BRINP2: variants seen among roughly 807,000 people sequenced by gnomAD.
BRINP2 encodes BMP/retinoic acid-inducible neural-specific protein 2.
In BRINP2, 21 loss-of-function variants were observed where a neutral mutation model predicts 69.2. That is an observed-to-expected ratio of 0.30 (90% CI 0.22 to 0.44). BRINP2 has a LOEUF of 0.44. BRINP2 is among the 20% of genes least tolerant of loss of function. BRINP2 has a pLI of 1.00. For synonymous variants in BRINP2, 380 were observed against 394.1 expected (o/e 0.96, Z 0.42); for missense variants, 877 against 986.0 (o/e 0.89, Z 1.48).
chr1:177,271,912 T>C (rs922672351), intron 4 of BRINP2, among the ~76,000 whole-genome samples: 2 of 152,180 alleles, frequency 1.3e-5, no homozygotes, highest in Non-Finnish European at 2.9e-5. Context: ...CTCCCGACTG[T>C]TTTTGCTCAG....
intron 2 of BRINP2, among the ~76,000 whole-genome samples, chr1:177,234,541 A>T (rs2102328542): frequency 6.6e-6 from 1 of 152,258 alleles, no homozygotes; most frequent in Non-Finnish European, 1.5e-5. Context: ...TTTAATAGAG[A>T]GATAATCATG....
chr1:177,217,635 T>C (rs907548698), intron 1 of BRINP2, among the ~76,000 whole-genome samples: 6 of 152,180 alleles, frequency 3.9e-5, no homozygotes, highest in Admixed American at 2.0e-4. Flanking sequence ...CTTTTACAAG[T>C]TTGTTTTTTT....
intron 1 of BRINP2, among the ~76,000 whole-genome samples, chr1:177,222,304 C>A (rs929916141): frequency 6.6e-6 from 1 of 152,088 alleles, no homozygotes; most frequent in African/African-American, 2.4e-5. Flanking sequence ...GGGCCAGACA[C>A]CTTTTTTTCT....
chr1:177,278,628 C>G lies in BRINP2; in HGVS notation c.1078C>G (p.Gln360Glu), dbSNP rs1216289296. The G allele has an allele frequency of 1.2e-6, 2 of 1,614,224 alleles. No individual in the cohort carries two copies. Among genetic ancestry groups the G allele is most frequent in the Non-Finnish European group, 1.7e-6 (2 of 1,180,046 alleles). Residue 360 changes from glutamine to glutamate, a missense_variant, in exon 7 of 8, where the codon CAG becomes GAG. Transcript: ENST00000361539. ...GTTCCTGAACTCCACAGCTATCTCC[C>G]AGTTCTGGGCCATGGACACCAGCCT... The part of the protein sequence containing the change: ...DRFLNSTAIS[Q>E]FWAMDTSLQH...
intron 4 of BRINP2, among the ~76,000 whole-genome samples, chr1:177,272,487 G>C (rs191508016): frequency 6.6e-6 from 1 of 152,242 alleles, no homozygotes; most frequent in Non-Finnish European, 1.5e-5. Context: ...ATAAATATGA[G>C]CTTCCCTCTT....
chr1:177,241,045 C>T (rs530015424), intron 2 of BRINP2, among the ~76,000 whole-genome samples: 10 of 151,990 alleles, frequency 6.6e-5, no homozygotes, highest in African/African-American at 2.2e-4. Context: ...GATCTCAGCT[C>T]ACTGTAAACT....
At chr1:177,206,083 C>T (rs1403201757) in intron 1 of BRINP2, among the ~76,000 whole-genome samples, 9 of 152,172 alleles carry the variant, frequency 5.9e-5, no homozygotes, top group Non-Finnish European at 1.0e-4. Context: ...ACTTAAGCTG[C>T]CCTGTGGAGC....
At chr1:177,218,522 A>T (rs1366089659) in intron 1 of BRINP2, among the ~76,000 whole-genome samples, 2 of 152,018 alleles carry the variant, frequency 1.3e-5, no homozygotes, top group Non-Finnish European at 2.9e-5. Context: ...TGTGGGCTCC[A>T]CCTCCTGACT....
Position 177,239,855 on chromosome 1 carries a change from G to A in BRINP2, c.269+9710G>A, listed in dbSNP as rs964199304. 2.0e-5 allele frequency among the ~76,000 whole-genome samples: 3 copies of A among 152,168 alleles called. No individual in the cohort carries two copies. In the South Asian group the frequency reaches 6.2e-4, roughly 32 times the overall value. On this transcript the variant is annotated intron_variant, in intron 2 of 7. Coordinates refer to ENST00000361539, the MANE Select transcript of BRINP2 (RefSeq NM_021165.4). ...GTTTTGGGGAAGATGCAGGAATCTG[G>A]CAGGAGTTCCCAGCCATGTCTTCTC...
At chr1:177,215,539 T>TTCAC (rs1157915735) in intron 1 of BRINP2, among the ~76,000 whole-genome samples, 1 of 152,210 alleles carries the variant, frequency 6.6e-6, no homozygotes, top group Non-Finnish European at 1.5e-5. Context: ...GCATGTTGAT[T>TTCAC]TGTGTCCTGA....
chr1:177,208,325 G>A (rs1272275097), intron 1 of BRINP2, among the ~76,000 whole-genome samples: 1 of 152,192 alleles, frequency 6.6e-6, no homozygotes, highest in Non-Finnish European at 1.5e-5. Context: ...GGCAGGCACT[G>A]TATGTAAGTA....
At position 177,278,646 on chromosome 1, in the gene BRINP2, A is replaced by G; in HGVS notation, c.1096A>G (p.Thr366Ala). Residue 366 changes from threonine to alanine, a missense_variant, in exon 7 of 8, where the codon ACC becomes GCC. This residue lies in a region of BRINP2 where 566 missense variants were observed against 625.2 expected (regional missense o/e 0.91). Coordinates refer to ENST00000361539, the MANE Select transcript of BRINP2 (RefSeq NM_021165.4). ...TAISQFWAMD[T>A]SLQHRYQQLG... is the part of the protein sequence containing the mutation. ...TATCTCCCAGTTCTGGGCCATGGAC[A>G]CCAGCCTTCAGCACCGCTACCAGCA... 1 of 1,614,216 alleles carries G rather than the reference A, an allele frequency of 6.2e-7. No individual in the cohort carries two copies. Among genetic ancestry groups the G allele is most frequent in the Non-Finnish European group, 8.5e-7 (1 of 1,180,040 alleles).
At chr1:177,223,475 TG>T (rs955470873) in intron 1 of BRINP2, among the ~76,000 whole-genome samples, 3 of 152,156 alleles carry the variant, frequency 2.0e-5, no homozygotes, top group Non-Finnish European at 4.4e-5. Context: ...GGACAGTCCT[TG>T]TGCATAGACA....
rs1297559229 is a variant in BRINP2 at position 177,278,765 on chromosome 1, C to T, written c.1215C>T (p.Arg405=). ...NLCKRCHRQP[R]FRLPKERSLS... ...GCAAGCGCTGCCATCGCCAGCCTCG[C>T]TTCCGCCTGCCCAAGGAGAGGTGAG... The change falls in exon 7 of 8, where the codon CGC becomes CGT. Residue 405 remains arginine (R), a synonymous_variant. Coordinates refer to ENST00000361539, the MANE Select transcript of BRINP2 (RefSeq NM_021165.4). The T allele has an allele frequency of 6.2e-7, 1 of 1,613,962 alleles. No individual in the cohort carries two copies. The highest frequency in any genetic ancestry group is 1.7e-5 in the Admixed American group (1 of 60,008).
rs996183020 is a variant in BRINP2 at position 177,280,501 on chromosome 1, G to C, written c.1325G>C (p.Ser442Thr). Residue 442 changes from serine (S) to threonine (T), a missense_variant, in exon 8 of 8, where the codon AGC becomes ACC. Ser to Thr is a moderately conservative substitution (Grantham distance 58). Coordinates refer to ENST00000361539, the MANE Select transcript of BRINP2 (RefSeq NM_021165.4). ...FPGTFLEQSH[S>T]CTCPYDQSSC... ...GGCACTTTCCTGGAACAGAGCCACAGCTGCACCTGCCCCTATGACCAATCT... is the reference window on the plus strand; with the variant it reads ...GGCACTTTCCTGGAACAGAGCCACACCTGCACCTGCCCCTATGACCAATCT... 2.5e-6 allele frequency: 4 copies of C among 1,614,108 alleles called. No individual in the cohort carries two copies. Among genetic ancestry groups the C allele is most frequent in the Non-Finnish European group, 3.4e-6 (4 of 1,180,042 alleles).
chr1:177,177,851 C>T (rs1043477344), intron 1 of BRINP2, among the ~76,000 whole-genome samples: 1 of 152,184 alleles, frequency 6.6e-6, no homozygotes, highest in African/African-American at 2.4e-5. Context: ...CAAATGTTAA[C>T]ACTCTTTCTT....
In BRINP2 at chr1:177,185,195, C is replaced by G. The variant is rs142756880; in HGVS notation, c.-77+13463C>G. Among the ~76,000 whole-genome samples, 61 of 152,160 alleles carry G rather than the reference C, an allele frequency of 4.0e-4. No homozygotes were observed. The East Asian group carries it at 0.01, about 26-fold the overall frequency. ...AAGTTGGAGAACGTGCCCTCCTTTC[C>G]ACCCATCCCCTCATAGGCACTCGGA... On this transcript the variant is annotated intron_variant, in intron 1 of 7. Coordinates refer to ENST00000361539, the MANE Select transcript of BRINP2 (RefSeq NM_021165.4).
intron 1 of BRINP2, among the ~76,000 whole-genome samples, chr1:177,197,166 C>T (rs373089954): frequency 1.8e-3 from 280 of 152,164 alleles, no homozygotes; most frequent in African/African-American, 6.2e-3. Flanking sequence ...GGAAGCACAG[C>T]GGCTTCTGCT....
At chr1:177,190,941 G>A (rs913436535) in intron 1 of BRINP2, among the ~76,000 whole-genome samples, 4 of 152,170 alleles carry the variant, frequency 2.6e-5, no homozygotes, top group African/African-American at 9.7e-5. Flanking sequence ...GTCTATAAAT[G>A]TGAGTCCTTA....
Sources: allele counts gnomAD v4.1 joint callset (sites outside exome capture counted in the v4.1 genomes callset), GRCh38; gene constraint gnomAD v4.1.1; regional missense constraint gnomAD v4.1.1; transcripts MANE v1.5; gene names NCBI Gene and HGNC (gene_info 2026-07-23, HGNC 2026-07-21).